The following SGK1 variants were observed in gnomAD, a reference collection of about 807,000 sequenced individuals.
SGK1 encodes serine/threonine-protein kinase Sgk1.
A neutral mutation model predicts 64.2 loss-of-function variants in SGK1; 26 were observed. The ratio of observed to expected loss-of-function variants is 0.40; its 90% CI spans 0.30 to 0.56. SGK1 has a LOEUF of 0.56. Ranked by LOEUF, SGK1 falls within the 20% of genes least tolerant of loss-of-function variation. SGK1 has a pLI of 0.38. For missense variants in SGK1, 519 were observed against 645.6 expected (o/e 0.80, Z 2.12); for synonymous variants, 265 against 239.7 (o/e 1.11, Z -0.98).
intron 3 of SGK1, among the ~76,000 whole-genome samples, chr6:134,176,246 C>G (rs1280187784): frequency 6.6e-6 from 1 of 152,204 alleles, no homozygotes; most frequent in African/African-American, 2.4e-5. Flanking sequence ...AAAATCGTCC[C>G]TACCCTCCCT....
intron 2 of SGK1, among the ~76,000 whole-genome samples, chr6:134,249,102 C>T (rs556220906): frequency 6.6e-6 from 1 of 152,182 alleles, no homozygotes; most frequent in African/African-American, 2.4e-5. Flanking sequence ...AAGAATCAAG[C>T]GTATTGTACG....
At chr6:134,306,920 G>GGC (rs1344412454) in intron 1 of SGK1, among the ~76,000 whole-genome samples, 1 of 145,190 alleles carries the variant, frequency 6.9e-6, no homozygotes, top group African/African-American at 2.5e-5. Flanking sequence ...AAGGGGGGGG[G>GGC]GGCGGAATTT....
chr6:134,263,103 A>T (rs1776792343), intron 1 of SGK1, among the ~76,000 whole-genome samples: 1 of 152,096 alleles, frequency 6.6e-6, no homozygotes, highest in African/African-American at 2.4e-5. Context: ...TTTTACTTTG[A>T]CCCTTATTAT....
chr6:134,298,179 C>A, intron 1 of SGK1: 6 of 1,419,866 alleles, frequency 4.2e-6, no homozygotes, highest in Non-Finnish European at 5.9e-6. Flanking sequence ...TTGATCTCAT[C>A]CTCACCAGCC....
At position 134,170,319 on chromosome 6, in the gene SGK1, G is replaced by C. The variant is rs7755303; in HGVS notation, c.1530C>G (p.Ala510=). The part of the protein sequence containing the change: ...VLVTASVKEA[A]EAFLGFSYAP... Reference sequence around the variant, plus strand: ...CATAGGAAAAGCCTAGGAAAGCCTCGGCAGCTTCCTTGACGCTGGCTGTGA... The same window carrying C: ...CATAGGAAAAGCCTAGGAAAGCCTCCGCAGCTTCCTTGACGCTGGCTGTGA... The change falls in exon 14 of 14, where the codon GCC becomes GCG. Residue 510 remains alanine (A), a synonymous_variant. Coordinates refer to ENST00000367858, the MANE Select transcript of SGK1 (RefSeq NM_001143676.3). The C allele has an allele frequency of 1.2e-6, 2 of 1,613,950 alleles. No homozygotes were observed. Among genetic ancestry groups the C allele is most frequent in the Non-Finnish European group, 1.7e-6 (2 of 1,179,894 alleles).
At chr6:134,188,083 C>T (rs1775451017) in intron 3 of SGK1, among the ~76,000 whole-genome samples, 1 of 152,186 alleles carries the variant, frequency 6.6e-6, no homozygotes, top group African/African-American at 2.4e-5. Context: ...TATGAGCTCA[C>T]TGGATGCAAG....
chr6:134,249,094 G>A (rs1485376846), intron 2 of SGK1, among the ~76,000 whole-genome samples: 2 of 152,132 alleles, frequency 1.3e-5, no homozygotes, highest in Non-Finnish European at 2.9e-5. Flanking sequence ...TGCAGAAGAA[G>A]AATCAAGCGT....
intron 2 of SGK1, among the ~76,000 whole-genome samples, chr6:134,245,158 G>A (rs1191332853): frequency 6.6e-6 from 1 of 152,218 alleles, no homozygotes; most frequent in Non-Finnish European, 1.5e-5. Context: ...GCCCATGCTG[G>A]TCTGGAACTC....
rs141648171 is a variant in SGK1, at chr6:134,296,429, G to A, written c.69+20963C>T. Among the ~76,000 whole-genome samples, 38 of 152,150 alleles carry A rather than the reference G, an allele frequency of 2.5e-4. No homozygotes were observed. In the East Asian group the frequency reaches 7.0e-3, roughly 28 times the overall value. On this transcript the variant is annotated intron_variant, in intron 1 of 13. Transcript: ENST00000367858. ...TAGGACTACAGGCATATGCTGCTGT[G>A]CTCAGCTAACTTTTTCATTTTTTGT...
intron 1 of SGK1, among the ~76,000 whole-genome samples, chr6:134,305,360 T>C (rs1777518684): frequency 1.4e-5 from 1 of 70,502 alleles, no homozygotes; most frequent in Non-Finnish European, 2.5e-5. Flanking sequence ...TGATACTTCA[T>C]CTCAAAAAAA....
chr6:134,187,940 C>T (rs1374371436), intron 3 of SGK1, among the ~76,000 whole-genome samples: 2 of 152,200 alleles, frequency 1.3e-5, no homozygotes, highest in East Asian at 3.9e-4. Context: ...ATATCAGAGG[C>T]TCAGTGTTCA....
At chr6:134,254,365 T>C (rs778092484) in intron 2 of SGK1, among the ~76,000 whole-genome samples, 25 of 152,158 alleles carry the variant, frequency 1.6e-4, no homozygotes, top group Non-Finnish European at 3.2e-4. Context: ...GGAGCATAAA[T>C]ATTGTGTTTT....
intron 1 of SGK1, among the ~76,000 whole-genome samples, chr6:134,277,425 T>G (rs905798046): frequency 6.6e-6 from 1 of 152,190 alleles, no homozygotes; most frequent in Non-Finnish European, 1.5e-5. Flanking sequence ...TAAATTTTAT[T>G]TTCAAGCTCT....
Position 134,170,223 on chromosome 6 carries a change from T to C in SGK1, c.*45A>G. On this transcript the variant is annotated 3_prime_UTR_variant, in exon 14 of 14. Coordinates refer to ENST00000367858, the MANE Select transcript of SGK1 (RefSeq NM_001143676.3). ...TCCACCAAAAGGCTAACTAAAACAT[T>C]CGGAAACACACATAAAATCCTTTAA... 2 of 1,528,456 alleles carry C rather than the reference T, an allele frequency of 1.3e-6. No individual in the cohort carries two copies. The highest frequency in any genetic ancestry group is 1.8e-6 in the Non-Finnish European group (2 of 1,122,950). The allele number at this position is 1,528,456 out of a possible 1,614,324, so 94.7% of individuals were successfully genotyped here.
intron 3 of SGK1, among the ~76,000 whole-genome samples, chr6:134,184,342 A>T (rs181789671): frequency 9.9e-5 from 15 of 151,792 alleles, no homozygotes; most frequent in South Asian, 6.3e-4. Context: ...ACTTAAAAAA[A>T]ATATATACAA....
chr6:134,170,411 A>G lies in SGK1; in HGVS notation c.1438T>C (p.Phe480Leu). Residue 480 changes from phenylalanine to leucine, a missense_variant, in exon 14 of 14, where the codon TTT (phenylalanine) becomes CTT (leucine). Phe to Leu is a conservative substitution (Grantham distance 22). Around this residue, in one of 2 missense-constraint regions of SGK1, gnomAD observed 278 missense variants for 408.7 expected, o/e 0.68. Coordinates refer to ENST00000367858, the MANE Select transcript of SGK1 (RefSeq NM_001143676.3). ...GGCTCTTCGGTAAACTCGGGGTCAA[A>G]GTGCCGTAGGTCGTTGGGCCCACTC... ...NVSGPNDLRH[F>L]DPEFTEEPVP... 1 of 1,613,698 alleles carries G rather than the reference A, an allele frequency of 6.2e-7. No homozygotes were observed. The highest frequency in any genetic ancestry group is 8.5e-7 in the Non-Finnish European group (1 of 1,179,682).
intron 1 of SGK1, among the ~76,000 whole-genome samples, chr6:134,265,973 A>C (rs566641446): frequency 2.7e-5 from 4 of 150,534 alleles, no homozygotes; most frequent in East Asian, 2.0e-4. Flanking sequence ...TTATTTATTT[A>C]TTTCTTTATT....
intron 1 of SGK1, among the ~76,000 whole-genome samples, chr6:134,292,976 A>G (rs1777289314): frequency 6.6e-6 from 1 of 151,300 alleles, no homozygotes; most frequent in Non-Finnish European, 1.5e-5. Context: ...GTGATTCCCT[A>G]AATCGTATAT....
chr6:134,301,516 C>CTTCTCTT lies in SGK1; in HGVS notation c.69+15869_69+15875dup, dbSNP rs1295160122. Reference sequence around the variant, plus strand: ...CACAGGAAGGACCACCTTTTCTTCTCTTCTCTTTTCTCTTTTCTTCTCTTC... The same window carrying CTTCTCTT: ...CACAGGAAGGACCACCTTTTCTTCTCTTCTCTTTTCTCTTTTCTCTTTTCTTCTCTTC... On this transcript the variant is annotated intron_variant, in intron 1 of 13. Transcript: ENST00000367858. Among the ~76,000 whole-genome samples the CTTCTCTT allele has an allele frequency of 2.7e-5, 4 of 149,464 alleles. No individual in the cohort carries two copies. In the East Asian group the frequency reaches 7.9e-4, roughly 29 times the overall value.
Sources: allele counts gnomAD v4.1 joint callset (sites outside exome capture counted in the v4.1 genomes callset), GRCh38; gene constraint gnomAD v4.1.1; regional missense constraint gnomAD v4.1.1; transcripts MANE v1.5; gene names NCBI Gene and HGNC (gene_info 2026-07-23, HGNC 2026-07-21).